LTBP1: variants seen among roughly 807,000 people sequenced by gnomAD.
The protein encoded by LTBP1 is latent transforming growth factor beta binding protein 1, also known as latent-transforming growth factor beta-binding protein 1.
A neutral mutation model predicts 207.6 loss-of-function variants in LTBP1; 129 were observed. The observed-to-expected ratio is 0.62, with a 90% CI of 0.54 to 0.72. The LOEUF is 0.72. LTBP1 is among the 30% of genes least tolerant of loss of function. The pLI, the probability that LTBP1 is intolerant of heterozygous loss-of-function variation, is 0.00. For missense variants in LTBP1, 2,281 were observed against 2,217.2 expected, an observed-to-expected ratio of 1.03 and a Z score of -0.58; for synonymous variants, 963 against 833.7, an observed-to-expected ratio of 1.16 and a Z score of -2.67.
intron 3 of LTBP1, among the ~76,000 whole-genome samples, chr2:33,049,280 T>C (rs1355735871): frequency 6.6e-6 from 1 of 152,212 alleles, no homozygotes; most frequent in South Asian, 2.1e-4. Context: ...TCCAATAAGT[T>C]TGTAAGACCA....
intron 2 of LTBP1, among the ~76,000 whole-genome samples, chr2:33,019,791 C>CA (rs1483953337): frequency 6.6e-6 from 1 of 152,082 alleles, no homozygotes; most frequent in Non-Finnish European, 1.5e-5. Context: ...TGATCACGGT[C>CA]ACTGCAGCCT....
intron 11 of LTBP1, among the ~76,000 whole-genome samples, chr2:33,253,061 A>G (rs888946541): frequency 6.6e-6 from 1 of 152,198 alleles, no homozygotes; most frequent in East Asian, 1.9e-4. Flanking sequence ...GTGATATCAG[A>G]CTTCCTTTTG....
intron 9 of LTBP1, among the ~76,000 whole-genome samples, chr2:33,222,631 A>G (rs1228754908): frequency 1.3e-5 from 2 of 152,210 alleles, no homozygotes; most frequent in African/African-American, 2.4e-5. Context: ...AAGAAAAGCT[A>G]TGTAGCTAAG....
At chr2:33,229,098 T>G (rs1288853577) in intron 9 of LTBP1, among the ~76,000 whole-genome samples, 1 of 152,178 alleles carries the variant, frequency 6.6e-6, no homozygotes, top group African/African-American at 2.4e-5. Flanking sequence ...ACTAGCTAAT[T>G]AGAAGTTATG....
chr2:33,266,122 C>T (rs2093168565), intron 15 of LTBP1, among the ~76,000 whole-genome samples: 1 of 152,226 alleles, frequency 6.6e-6, no homozygotes, highest in Non-Finnish European at 1.5e-5. Context: ...CCTGCTGTCA[C>T]TCCTTGGCCT....
chr2:33,259,866 C>T (rs1190726914), intron 13 of LTBP1, among the ~76,000 whole-genome samples: 1 of 151,998 alleles, frequency 6.6e-6, no homozygotes, highest in Admixed American at 6.5e-5. Flanking sequence ...CTTCAATTCT[C>T]GTGAGAAGAA....
intron 3 of LTBP1, among the ~76,000 whole-genome samples, chr2:33,038,628 C>G (rs1173374635): frequency 6.6e-6 from 1 of 152,222 alleles, no homozygotes; most frequent in Non-Finnish European, 1.5e-5. Context: ...ATCTTATCCT[C>G]TGTTTTGCCA....
intron 22 of LTBP1, among the ~76,000 whole-genome samples, chr2:33,303,496 C>T (rs2094028335): frequency 6.6e-6 from 1 of 151,900 alleles, no homozygotes; most frequent in Non-Finnish European, 1.5e-5. Flanking sequence ...ACTACAAGCA[C>T]CTGCCACCAT....
chr2:33,257,305 C>T lies in LTBP1; in HGVS notation c.2189C>T (p.Pro730Leu). 6.2e-7 allele frequency: 1 copy of T among 1,613,854 alleles called. No individual in the cohort carries two copies. The highest frequency in any genetic ancestry group is 8.5e-7 in the Non-Finnish European group (1 of 1,179,728). ...PGTAAFKEIC[P>L]GGMGYTVSGV... Reference sequence around the variant, plus strand: ...CTAGCTGCTTTTAAGGAAATCTGTCCTGGTGGAATGGGTTATACGGTTTCT... The same window carrying T: ...CTAGCTGCTTTTAAGGAAATCTGTCTTGGTGGAATGGGTTATACGGTTTCT... Residue 730 changes from proline to leucine, a missense_variant, in exon 12 of 34, where the codon CCT (proline) becomes CTT (leucine). Around this residue, in one of 3 missense-constraint regions of LTBP1, gnomAD observed 1,671 missense variants for 1,634.8 expected, o/e 1.02. Coordinates refer to ENST00000404816, the MANE Select transcript of LTBP1 (RefSeq NM_206943.4).
At chr2:33,145,939 A>G (rs2082997387) in intron 5 of LTBP1, among the ~76,000 whole-genome samples, 1 of 152,182 alleles carries the variant, frequency 6.6e-6, no homozygotes, top group Non-Finnish European at 1.5e-5. Context: ...TTCATACAGT[A>G]ATTATCATTT....
intron 3 of LTBP1, among the ~76,000 whole-genome samples, chr2:33,063,304 CTTAGACATTAT>C (rs1007164701): frequency 6.6e-6 from 1 of 151,780 alleles, no homozygotes; most frequent in Non-Finnish European, 1.5e-5. Flanking sequence ...CATAATAATA[CTTAGACATTAT>C]TTGCTTTCAC....
At chr2:33,055,264 A>G (rs1025792208) in intron 3 of LTBP1, among the ~76,000 whole-genome samples, 11 of 152,136 alleles carry the variant, frequency 7.2e-5, no homozygotes, top group Non-Finnish European at 1.2e-4. Flanking sequence ...TTTAGAATCA[A>G]TTGACCCTCG....
rs1023411618 is a variant in LTBP1, at chr2:32,947,454, C to T, written c.130C>T (p.Pro44Ser). 8 of 1,443,476 alleles carry T rather than the reference C, an allele frequency of 5.5e-6. No homozygotes were observed. The highest frequency in any genetic ancestry group is 2.4e-4 in the Middle Eastern group (1 of 4,096). The allele number at this position is 1,443,476 out of a possible 1,614,324, so 89.4% of individuals were successfully genotyped here. The change falls in exon 1 of 34, where the codon CCC (proline) becomes TCC (serine). Residue 44 changes from proline (P) to serine (S), a missense_variant. Physicochemically the swap from Pro to Ser is moderately conservative, Grantham distance 74 (BLOSUM62 -1). Transcript: ENST00000404816. ...CCCCGGCCTGGCAGCCGGCGCCTTG[C>T]CCCTGAGCGGGCCCCCGCGTTCGCG... ...PGPGLAAGAL[P>S]LSGPPRSRTF... is the part of the protein sequence containing the mutation.
intron 32 of LTBP1, 21 bp from the exon 33 acceptor site, chr2:33,397,112 C>T: frequency 6.2e-7 from 1 of 1,610,560 alleles, no homozygotes; most frequent in South Asian, 1.1e-5. Context: ...TCTAACTTAG[C>T]TTCTGCCCTT....
intron 3 of LTBP1, among the ~76,000 whole-genome samples, chr2:33,065,495 A>G (rs2077465839): frequency 1.3e-5 from 2 of 152,290 alleles, no homozygotes; most frequent in South Asian, 4.1e-4. Context: ...TTGAGGTTAC[A>G]GTGATGATCA....
intron 15 of LTBP1, among the ~76,000 whole-genome samples, chr2:33,270,985 T>G (rs1356993735): frequency 1.3e-5 from 2 of 152,242 alleles, no homozygotes; most frequent in East Asian, 3.8e-4. Context: ...ACTAAAGAGT[T>G]ATACTTCTTC....
chr2:33,057,743 G>A (rs567726913), intron 3 of LTBP1, among the ~76,000 whole-genome samples: 3 of 152,220 alleles, frequency 2.0e-5, no homozygotes, highest in South Asian at 2.1e-4. Flanking sequence ...CCAAGCCCAC[G>A]CTCACCGGGA....
intron 22 of LTBP1, among the ~76,000 whole-genome samples, chr2:33,306,816 G>T (rs2094104303): frequency 6.6e-6 from 1 of 151,570 alleles, no homozygotes; most frequent in Admixed American, 6.6e-5. Context: ...TCAGTCGGGT[G>T]CAGTGGCTCA....
rs536499902 is a variant in LTBP1, at chr2:33,124,116, T to G, written c.1034-10677T>G. ...AAGAGGTGTTTAGCTTAACAAAAAT[T>G]ACTCAAATGCGGCCAGGTACGGTGG... On this transcript the variant is annotated intron_variant, in intron 4 of 33. Transcript: ENST00000404816. Among the ~76,000 whole-genome samples, 18 of 152,280 alleles carry G rather than the reference T, an allele frequency of 1.2e-4. No individual in the cohort carries two copies. In the East Asian group the frequency reaches 3.3e-3, roughly 28 times the overall value.
Sources: gnomAD v4.1 joint callset for allele counts (sites outside exome capture counted in the v4.1 genomes callset) on GRCh38, gnomAD v4.1.1 for gene constraint, gnomAD v4.1.1 regional missense constraint, MANE v1.5 for transcripts, NCBI Gene and HGNC (gene_info 2026-07-23, HGNC 2026-07-21) for gene names.